MLLT3: variants seen among roughly 807,000 people sequenced by gnomAD.
MLLT3 encodes the protein MLLT3 super elongation complex subunit.
MLLT3 carries 4 observed loss-of-function variants against 53.2 expected under a neutral mutation model. The ratio of observed to expected loss-of-function variants is 0.08; its 90% CI spans 0.04 to 0.17. The LOEUF is 0.17. Ranked by LOEUF, MLLT3 falls within the 10% of genes least tolerant of loss-of-function variation. The pLI, the probability that MLLT3 is intolerant of heterozygous loss-of-function variation, is 1.00. For missense variants in MLLT3, 569 were observed against 684.0 expected (o/e 0.83, Z 1.87); for synonymous variants, 283 against 230.6 (o/e 1.23, Z -2.06).
At chr9:20,404,967 ATTTAT>A (rs1037941364) in intron 5 of MLLT3, among the ~76,000 whole-genome samples, 5 of 151,934 alleles carry the variant, frequency 3.3e-5, no homozygotes, top group Non-Finnish European at 7.4e-5. Flanking sequence ...CGCAACCTTT[ATTTAT>A]TTTATTATAA....
At chr9:20,470,219 AG>A (rs1482861898) in intron 2 of MLLT3, among the ~76,000 whole-genome samples, 1 of 152,012 alleles carries the variant, frequency 6.6e-6, no homozygotes, top group Non-Finnish European at 1.5e-5. Flanking sequence ...ACTTGGCTCT[AG>A]GAAAATGTGG....
intron 2 of MLLT3, among the ~76,000 whole-genome samples, chr9:20,566,091 T>C (rs1017641122): frequency 6.9e-6 from 1 of 144,262 alleles, no homozygotes; most frequent in African/African-American, 2.5e-5. Flanking sequence ...TATAAATATA[T>C]ATATAAAGTG....
At chr9:20,549,541 C>A (rs981161224) in intron 2 of MLLT3, among the ~76,000 whole-genome samples, 12 of 152,176 alleles carry the variant, frequency 7.9e-5, no homozygotes, top group Non-Finnish European at 1.3e-4. Context: ...AAAGCAGGTA[C>A]TTTATGCGAC....
intron 2 of MLLT3, among the ~76,000 whole-genome samples, chr9:20,595,953 G>A (rs1248158784): frequency 1.3e-5 from 2 of 152,104 alleles, no homozygotes; most frequent in African/African-American, 2.4e-5. Context: ...AGTGACTGAG[G>A]AATTAAATGT....
chr9:20,509,312 T>C (rs1046515947), intron 2 of MLLT3, among the ~76,000 whole-genome samples: 3 of 152,202 alleles, frequency 2.0e-5, no homozygotes, highest in Non-Finnish European at 2.9e-5. Flanking sequence ...AGTATACTCA[T>C]TAAAATATGT....
intron 5 of MLLT3, among the ~76,000 whole-genome samples, chr9:20,371,864 C>T (rs748002738): frequency 6.6e-5 from 10 of 152,084 alleles, no homozygotes; most frequent in African/African-American, 1.2e-4. Flanking sequence ...TATATCTGAG[C>T]AAAGTAAATA....
chr9:20,466,229 C>G (rs1240379331), intron 2 of MLLT3, among the ~76,000 whole-genome samples: 1 of 151,970 alleles, frequency 6.6e-6, no homozygotes, highest in Non-Finnish European at 1.5e-5. Context: ...TCCAAAAATC[C>G]CAATCCAAAA....
chr9:20,521,121 G>T (rs1034999793), intron 2 of MLLT3, among the ~76,000 whole-genome samples: 9 of 151,652 alleles, frequency 5.9e-5, no homozygotes, highest in Non-Finnish European at 2.9e-5. Flanking sequence ...ACCCAAGCTG[G>T]AGCACAATGG....
intron 2 of MLLT3, among the ~76,000 whole-genome samples, chr9:20,477,670 C>G (rs1824559839): frequency 6.6e-6 from 1 of 152,170 alleles, no homozygotes; most frequent in African/African-American, 2.4e-5. Context: ...TTAGTTTCTT[C>G]TATAAAATAA....
chr9:20,516,362 AC>A (rs1280028142), intron 2 of MLLT3, among the ~76,000 whole-genome samples: 1 of 152,198 alleles, frequency 6.6e-6, no homozygotes, highest in Non-Finnish European at 1.5e-5. Context: ...ATGTATACAC[AC>A]TAAAATACTT....
At chr9:20,550,908 C>T (rs969511086) in intron 2 of MLLT3, among the ~76,000 whole-genome samples, 1 of 152,148 alleles carries the variant, frequency 6.6e-6, no homozygotes, top group Non-Finnish European at 1.5e-5. Flanking sequence ...CAGGCATGTG[C>T]CATCATGCCC....
At chr9:20,414,457 C>G in intron 4 of MLLT3, 32 bp from the exon 5 acceptor site, 2 of 1,600,832 alleles carry the variant, frequency 1.2e-6, no homozygotes, top group East Asian at 2.2e-5. Flanking sequence ...ATGAAACTCC[C>G]AAAACTAAAT....
intron 2 of MLLT3, among the ~76,000 whole-genome samples, chr9:20,496,013 T>C (rs1003882838): frequency 1.1e-4 from 16 of 152,164 alleles, no homozygotes; most frequent in African/African-American, 3.9e-4. Context: ...AAAAGTACAA[T>C]TTGCAGAACT....
intron 2 of MLLT3, among the ~76,000 whole-genome samples, chr9:20,512,152 T>C (rs1268634116): frequency 6.6e-6 from 1 of 152,250 alleles, no homozygotes; most frequent in Non-Finnish European, 1.5e-5. Flanking sequence ...ATACTCATTC[T>C]TGATATGCCT....
At chr9:20,602,736 T>C (rs542367191) in intron 2 of MLLT3, among the ~76,000 whole-genome samples, 1 of 150,580 alleles carries the variant, frequency 6.6e-6, no homozygotes, top group African/African-American at 2.4e-5. Context: ...GCCAGGCTCT[T>C]GTAACAATGT....
chr9:20,406,718 G>C (rs1822586618), intron 5 of MLLT3, among the ~76,000 whole-genome samples: 1 of 152,100 alleles, frequency 6.6e-6, no homozygotes, highest in African/African-American at 2.4e-5. Context: ...TACCTTTTCT[G>C]TGTCACAGAT....
At chr9:20,585,740 T>C (rs533871412) in intron 2 of MLLT3, among the ~76,000 whole-genome samples, 15 of 152,372 alleles carry the variant, frequency 9.8e-5, no homozygotes, top group Middle Eastern at 6.8e-3. Flanking sequence ...CTTTTCACTG[T>C]TCTATTTCCC....
At chr9:20,416,273 T>C (rs1159208890) in intron 4 of MLLT3, among the ~76,000 whole-genome samples, 1 of 152,050 alleles carries the variant, frequency 6.6e-6, no homozygotes, top group Non-Finnish European at 1.5e-5. Context: ...AGTATTCTAA[T>C]TATGGCTCTA....
At chr9:20,421,823 A>T (rs1823015759) in intron 4 of MLLT3, among the ~76,000 whole-genome samples, 1 of 152,194 alleles carries the variant, frequency 6.6e-6, no homozygotes, top group Non-Finnish European at 1.5e-5. Context: ...AAAAGAATCA[A>T]CCCATCAATT....
Sources: allele counts gnomAD v4.1 joint callset (sites outside exome capture counted in the v4.1 genomes callset), GRCh38; gene constraint gnomAD v4.1.1; transcripts MANE v1.5; gene names NCBI Gene and HGNC (gene_info 2026-07-23, HGNC 2026-07-21).